DNAH14: variants seen among roughly 807,000 people sequenced by gnomAD.
The protein encoded by DNAH14 is dynein axonemal heavy chain 14.
Under a neutral mutation model 520.9 loss-of-function variants are expected in DNAH14, and 478 were observed. The observed-to-expected ratio is 0.92, with a 90% confidence interval of 0.85 to 0.99. The LOEUF is 0.99. Ranked by LOEUF, DNAH14 falls within the 50% of genes least tolerant of loss-of-function variation. DNAH14 has a pLI of 0.00. For missense variants in DNAH14, 4,831 were observed against 5,234.5 expected (o/e 0.92, Z 2.38); for synonymous variants, 1,581 against 1,757.2 (o/e 0.90, Z 2.51).
chr1:225,353,125 G>A (rs1215282271), intron 72 of DNAH14, among the ~76,000 whole-genome samples: 4 of 151,954 alleles, frequency 2.6e-5, no homozygotes, highest in Non-Finnish European at 5.9e-5. Context: ...CAAAAAAGCC[G>A]TTTCTATAAC....
chr1:225,187,981 G>A (rs2149330495), intron 37 of DNAH14, among the ~76,000 whole-genome samples: 1 of 151,920 alleles, frequency 6.6e-6, no homozygotes, highest in South Asian at 2.1e-4. Context: ...ATTTGTTAAA[G>A]TCTATTATTT....
chr1:225,257,887 CAAAAA>C (rs35313445), intron 44 of DNAH14, 68 bp from the exon 45 acceptor site: 15 of 957,162 alleles, frequency 1.6e-5, no homozygotes, highest in Middle Eastern at 2.5e-4. Context: ...ATCCTAATGA[CAAAAA>C]AAAAAAAAAG....
chr1:225,220,382 A>G (rs2089926344), intron 41 of DNAH14, among the ~76,000 whole-genome samples: 1 of 152,202 alleles, frequency 6.6e-6, no homozygotes, highest in African/African-American at 2.4e-5. Context: ...CTGTTCGCAA[A>G]TGACATGATT....
intron 83 of DNAH14, 103 bp downstream of exon 83, chr1:225,389,976 C>T (rs2095884940): frequency 9.6e-7 from 1 of 1,040,638 alleles, no homozygotes; most frequent in African/African-American, 1.6e-5. Flanking sequence ...GATGACAACA[C>T]CTGCGCCTCC....
intron 71 of DNAH14, 47 bp downstream of exon 71, chr1:225,346,701 T>G (rs1334426955): frequency 1.4e-6 from 2 of 1,431,864 alleles, no homozygotes; most frequent in African/African-American, 2.9e-5. Context: ...CCATTAAAAG[T>G]GTGTTTCCTT....
At chr1:224,955,250 A>G (rs773283409) in intron 3 of DNAH14, 152 bp downstream of exon 3, 18 of 796,630 alleles carry the variant, frequency 2.3e-5, no homozygotes, top group Non-Finnish European at 3.2e-5. Context: ...TATAGCAGTT[A>G]GCAGTGTCTT....
chr1:225,153,562 G>A (rs1368036381), intron 33 of DNAH14, among the ~76,000 whole-genome samples, 188 bp from the exon 34 acceptor site: 1 of 152,066 alleles, frequency 6.6e-6, no homozygotes, highest in Non-Finnish European at 1.5e-5. Context: ...TTAAGAGTGA[G>A]ACTTTAGGAG....
At chr1:225,373,681 A>G (rs943194173) in intron 77 of DNAH14, among the ~76,000 whole-genome samples, 4 of 152,192 alleles carry the variant, frequency 2.6e-5, no homozygotes, top group Non-Finnish European at 4.4e-5. Flanking sequence ...TCTGACGGCT[A>G]AAGTCGGGAG....
intron 54 of DNAH14, among the ~76,000 whole-genome samples, chr1:225,288,130 T>C (rs184796155): frequency 1.6e-4 from 25 of 152,036 alleles, no homozygotes; most frequent in African/African-American, 5.5e-4. Flanking sequence ...AAGAGTACCA[T>C]ACAGGAAGGG....
At chr1:225,081,584 G>A (rs2073128476) in intron 19 of DNAH14, among the ~76,000 whole-genome samples, 1 of 152,142 alleles carries the variant, frequency 6.6e-6, no homozygotes. Context: ...GTCTAGACTG[G>A]CAAAAACTAA....
intron 37 of DNAH14, among the ~76,000 whole-genome samples, chr1:225,190,580 T>C (rs936564328): frequency 3.3e-5 from 5 of 152,086 alleles, no homozygotes; most frequent in African/African-American, 1.2e-4. Context: ...TATTTGGAGA[T>C]ACAGCCTTTA....
chr1:225,384,342 A>C lies in DNAH14; in HGVS notation c.13077+2763A>C, dbSNP rs536141157. Among the ~76,000 whole-genome samples the C allele has an allele frequency of 2.4e-4, 36 of 152,188 alleles. No individual in the cohort carries two copies. The South Asian group carries it at 6.8e-3, about 29-fold the overall frequency. On this transcript the variant is annotated intron_variant, in intron 81 of 85. Transcript: ENST00000682510. ...GTCTAATGTTGACAGTGGGGTGTTA[A>C]AGTCTCCCATTATTATTGTGTGGGA...
intron 36 of DNAH14, among the ~76,000 whole-genome samples, chr1:225,177,135 T>A (rs6426052): frequency 0.11 from 16,979 of 152,174 alleles, 1,482 homozygotes; most frequent in East Asian, 0.23. Flanking sequence ...GATGAGGAAC[T>A]TGTTGGGAAC....
At chr1:225,264,756 T>C (rs2093055496) in intron 47 of DNAH14, among the ~76,000 whole-genome samples, 1 of 152,090 alleles carries the variant, frequency 6.6e-6, no homozygotes, top group Non-Finnish European at 1.5e-5. Flanking sequence ...GAGATAGCTG[T>C]AGAAAGGGGA....
intron 12 of DNAH14, among the ~76,000 whole-genome samples, chr1:225,040,237 C>T (rs2067354548): frequency 6.6e-6 from 1 of 152,116 alleles, no homozygotes; most frequent in Non-Finnish European, 1.5e-5. Context: ...CTGCGCCCGG[C>T]CATATCTTTT....
chr1:225,062,062 G>A lies in DNAH14; in HGVS notation c.2424+10267G>A, dbSNP rs561649890. Among the ~76,000 whole-genome samples the A allele has an allele frequency of 5.5e-3, 648 of 117,360 alleles. 2 individuals are homozygous for A. Among genetic ancestry groups the A allele is most frequent in the South Asian group, 0.017 (50 of 3,010 alleles). 77.0% of individuals were successfully genotyped at this position (117,360 alleles called of 152,430 possible). Reference sequence around the variant, plus strand: ...CTCTGTAATGCCAGCAATTTGGGAGGCCGAGGCGGATGGAATGCTTGAGCT... The same window carrying A: ...CTCTGTAATGCCAGCAATTTGGGAGACCGAGGCGGATGGAATGCTTGAGCT... On this transcript the variant is annotated intron_variant, in intron 17 of 85. Transcript: ENST00000682510.
rs1256561016 is a variant in DNAH14, at chr1:225,340,713, T to C, written c.10678+12T>C. On this transcript the variant is annotated intron_variant, in intron 69 of 85. Transcript: ENST00000682510. ...GCAGAAAGCACTAGGTAAGTCAAGATATTTAGTGATAGTAAGAGATCTTTG... is the reference window on the plus strand; with the variant it reads ...GCAGAAAGCACTAGGTAAGTCAAGACATTTAGTGATAGTAAGAGATCTTTG... The C allele has an allele frequency of 6.5e-7, 1 of 1,548,674 alleles. No homozygotes were observed. The highest frequency in any genetic ancestry group is 8.7e-7 in the Non-Finnish European group (1 of 1,145,408).
chr1:225,309,470 GGCCCCATTCCTGA>G (rs1257016699), intron 60 of DNAH14, among the ~76,000 whole-genome samples: 14 of 152,172 alleles, frequency 9.2e-5, no homozygotes. Flanking sequence ...AAATAGGGGA[GGCCCCATTCCTGA>G]GCCTTCTCAG....
chr1:225,331,107 A>G (rs1466157495), intron 64 of DNAH14, among the ~76,000 whole-genome samples: 2 of 152,196 alleles, frequency 1.3e-5, no homozygotes, highest in African/African-American at 4.8e-5. Context: ...AAGAAGTTCA[A>G]CCATTTTCTT....
Sources: gnomAD v4.1 joint callset for allele counts (sites outside exome capture counted in the v4.1 genomes callset) on GRCh38, gnomAD v4.1.1 for gene constraint, MANE v1.5 for transcripts, NCBI Gene and HGNC (gene_info 2026-07-23, HGNC 2026-07-21) for gene names.